STAG1: variants seen among roughly 807,000 people sequenced by gnomAD.
STAG1 encodes the protein cohesin subunit SA-1.
In STAG1, 26 loss-of-function variants were observed where a neutral mutation model predicts 170.9. The ratio of observed to expected loss-of-function variants is 0.15; its 90% CI spans 0.11 to 0.21. STAG1 has a LOEUF of 0.21. STAG1 is among the 10% of genes least tolerant of loss of function. STAG1 has a pLI of 1.00. For synonymous variants in STAG1, 514 were observed against 497.7 expected (o/e 1.03, Z -0.44); for missense variants, 964 against 1,509.5 (o/e 0.64, Z 5.99).
At chr3:136,739,183 T>C (rs1396236827) in intron 1 of STAG1, among the ~76,000 whole-genome samples, 2 of 152,124 alleles carry the variant, frequency 1.3e-5, no homozygotes, top group Non-Finnish European at 2.9e-5. Flanking sequence ...TCTGGCTCTA[T>C]CATTTACTAG....
At chr3:136,436,844 T>C (rs577436366) in intron 15 of STAG1, among the ~76,000 whole-genome samples, 3 of 152,354 alleles carry the variant, frequency 2.0e-5, no homozygotes, top group African/African-American at 7.2e-5. Context: ...AAAATATGTA[T>C]GTACATCTTA....
intron 1 of STAG1, among the ~76,000 whole-genome samples, chr3:136,722,110 C>G (rs1290751926): frequency 6.6e-6 from 1 of 151,728 alleles, no homozygotes; most frequent in East Asian, 1.9e-4. Flanking sequence ...GTGGTAACAG[C>G]TACTTAGGAG....
At chr3:136,406,118 G>A (rs1467916431) in intron 21 of STAG1, among the ~76,000 whole-genome samples, 2 of 152,164 alleles carry the variant, frequency 1.3e-5, no homozygotes, top group East Asian at 3.8e-4. Flanking sequence ...AATTGTGATA[G>A]CCAAATACTG....
At chr3:136,562,007 G>A (rs764120218) in intron 5 of STAG1, among the ~76,000 whole-genome samples, 3 of 151,986 alleles carry the variant, frequency 2.0e-5, no homozygotes, top group Non-Finnish European at 2.9e-5. Context: ...CTACAGACAT[G>A]ATATTCCTTT....
intron 13 of STAG1, among the ~76,000 whole-genome samples, chr3:136,464,198 C>T (rs907143190): frequency 1.3e-5 from 2 of 151,404 alleles, no homozygotes; most frequent in African/African-American, 2.4e-5. Context: ...CTGAGGCGGG[C>T]GGATTACCTG....
chr3:136,544,846 A>G (rs921504678), intron 5 of STAG1, among the ~76,000 whole-genome samples: 1 of 152,194 alleles, frequency 6.6e-6, no homozygotes, highest in African/African-American at 2.4e-5. Flanking sequence ...AAATACACTA[A>G]CATTGTCTAA....
Position 136,633,962 on chromosome 3 carries a change from TAAAAAAAAA to T in STAG1, c.-83-2990_-83-2982del, listed in dbSNP as rs67810422. Among the ~76,000 whole-genome samples, 192 of 50,348 alleles carry T rather than the reference TAAAAAAAAA, an allele frequency of 3.8e-3. 4 individuals are homozygous for T. Among genetic ancestry groups the T allele is most frequent in the Middle Eastern group, 0.014 (1 of 74 alleles). 33.0% of individuals were successfully genotyped at this position (50,348 alleles called of 152,430 possible). A position where few individuals can be genotyped will look rare whatever the true frequency, so the allele number is the denominator to read the frequency against. On this transcript the variant is annotated intron_variant, in intron 1 of 33. Transcript: ENST00000383202. ...AACATGGTGAAACCCTGTCTCTACTTAAAAAAAAAAAAAAAAAAAAAAAAAAAAATTAGC... is the reference window on the plus strand; with the variant it reads ...AACATGGTGAAACCCTGTCTCTACTTAAAAAAAAAAAAAAAAAAAATTAGC...
At chr3:136,478,426 C>G (rs1385655860) in intron 9 of STAG1, among the ~76,000 whole-genome samples, 4 of 152,130 alleles carry the variant, frequency 2.6e-5, no homozygotes, top group Admixed American at 2.6e-4. Flanking sequence ...TCTTTCATCA[C>G]AAGGTTATTA....
At chr3:136,476,013 T>C (rs1403638244) in intron 10 of STAG1, among the ~76,000 whole-genome samples, 2 of 152,148 alleles carry the variant, frequency 1.3e-5, no homozygotes, top group Admixed American at 6.5e-5. Flanking sequence ...AGTTATGATA[T>C]GAAAAAAGTG....
At chr3:136,470,815 G>C (rs2089606931) in intron 12 of STAG1, among the ~76,000 whole-genome samples, 1 of 152,128 alleles carries the variant, frequency 6.6e-6, no homozygotes, top group Non-Finnish European at 1.5e-5. Flanking sequence ...TAAAAAGGAT[G>C]AGTTCATGTC....
In STAG1 at chr3:136,714,965, T is replaced by TA. The variant is rs1559967677; in HGVS notation, c.-84+37229_-84+37230insT. Among the ~76,000 whole-genome samples, 28 of 62,294 alleles carry TA rather than the reference T, an allele frequency of 4.5e-4. No homozygotes were observed. The East Asian group carries it at 4.6e-3, about 10-fold the overall frequency. The allele number at this position is 62,294 out of a possible 152,430, so 40.9% of individuals were successfully genotyped here. ...TATATATATATATATATATATATAT[T>TA]TTATATATATATTTTTATATATATA... is the stretch of plus-strand genomic sequence containing the variant. On this transcript the variant is annotated intron_variant, in intron 1 of 33. Transcript: ENST00000383202.
At chr3:136,525,075 G>T (rs926849149) in intron 6 of STAG1, among the ~76,000 whole-genome samples, 2 of 152,116 alleles carry the variant, frequency 1.3e-5, no homozygotes, top group African/African-American at 4.8e-5. Context: ...TTATGTCTCT[G>T]CCAGGCTTTG....
chr3:136,725,573 T>C (rs1395918680), intron 1 of STAG1, among the ~76,000 whole-genome samples: 1 of 152,216 alleles, frequency 6.6e-6, no homozygotes, highest in Non-Finnish European at 1.5e-5. Context: ...TGATGACTTA[T>C]GGGATATGAG....
intron 3 of STAG1, chr3:136,609,410 G>A (rs1328503333): frequency 6.8e-6 from 1 of 147,818 alleles, no homozygotes; most frequent in African/African-American, 2.5e-5. Context: ...AATATTTATA[G>A]ATACATATAT....
In STAG1 at chr3:136,630,944, T is replaced by C; in HGVS notation, c.-46A>G. 9.9e-6 allele frequency: 15 copies of C among 1,518,532 alleles called. No homozygotes were observed. Among genetic ancestry groups the C allele is most frequent in the Non-Finnish European group, 1.3e-5 (15 of 1,134,854 alleles). 94.1% of individuals were successfully genotyped at this position (1,518,532 alleles called of 1,614,324 possible). On this transcript the variant is annotated 5_prime_UTR_variant, in exon 2 of 34. Transcript: ENST00000383202. ...AATGCAGCAAAATAATCAAGTGCTG[T>C]ACAACTCAAAACTTTTAAAATAACC...
At chr3:136,555,023 T>A (rs1263936567) in intron 5 of STAG1, among the ~76,000 whole-genome samples, 1 of 150,556 alleles carries the variant, frequency 6.6e-6, no homozygotes, top group Non-Finnish European at 1.5e-5. Context: ...AAAAGGGACA[T>A]CAGTAATTCA....
At chr3:136,495,262 T>C (rs1032008680) in intron 9 of STAG1, among the ~76,000 whole-genome samples, 11 of 152,334 alleles carry the variant, frequency 7.2e-5, no homozygotes, top group Admixed American at 5.9e-4. Flanking sequence ...ACTTCTGCCC[T>C]TATATCACGT....
chr3:136,476,255 T>C (rs1387092115), intron 10 of STAG1, among the ~76,000 whole-genome samples: 4 of 152,204 alleles, frequency 2.6e-5, no homozygotes, highest in African/African-American at 7.2e-5. Context: ...CTCCTGGTCA[T>C]GAGACTAAGG....
chr3:136,525,246 G>A (rs1320967909), intron 6 of STAG1, among the ~76,000 whole-genome samples: 1 of 152,098 alleles, frequency 6.6e-6, no homozygotes, highest in Non-Finnish European at 1.5e-5. Context: ...TGGTTGGTAG[G>A]CTATTAATTA....
Sources: allele counts gnomAD v4.1 joint callset (sites outside exome capture counted in the v4.1 genomes callset), GRCh38; gene constraint gnomAD v4.1.1; transcripts MANE v1.5; gene names NCBI Gene and HGNC (gene_info 2026-07-23, HGNC 2026-07-21).